Variants in MCPH1 observed in about 807,000 individuals in gnomAD.
MCPH1 encodes the protein microcephalin 1.
A neutral mutation model predicts 84.5 loss-of-function variants in MCPH1; 104 were observed. That is an observed-to-expected ratio of 1.23 (90% CI 1.05 to 1.45). The LOEUF (loss-of-function observed/expected upper bound fraction) is 1.45. MCPH1 is among the 40% of genes most tolerant of loss of function. MCPH1 has a pLI of 0.00. For missense variants in MCPH1, 1,498 were observed against 1,005.7 expected (o/e 1.49, Z -6.62); for synonymous variants, 514 against 366.8 (o/e 1.40, Z -4.58).
chr8:6,559,929 C>A (rs189098010), intron 12 of MCPH1, among the ~76,000 whole-genome samples: 1 of 152,158 alleles, frequency 6.6e-6, no homozygotes, highest in Non-Finnish European at 1.5e-5. Context: ...ATTCATATTC[C>A]TCTGAGTTCA....
chr8:6,549,942 C>T (rs993958571), intron 12 of MCPH1, among the ~76,000 whole-genome samples: 1 of 152,212 alleles, frequency 6.6e-6, no homozygotes, highest in African/African-American at 2.4e-5. Context: ...CGAGTCTGAG[C>T]TAGCTATAGC....
chr8:6,624,927 G>A, intron 13 of MCPH1: 1 of 889,870 alleles, frequency 1.1e-6, no homozygotes, highest in Non-Finnish European at 1.3e-6. Context: ...AGGCTGGAGT[G>A]TGCAGTGATG....
chr8:6,485,876 ACT>A (rs981180273), intron 11 of MCPH1, among the ~76,000 whole-genome samples: 1 of 151,922 alleles, frequency 6.6e-6, no homozygotes, highest in Non-Finnish European at 1.5e-5. Context: ...AACCACGATG[ACT>A]CTCGCTGGCA....
At chr8:6,536,369 C>T (rs1356830463) in intron 12 of MCPH1, among the ~76,000 whole-genome samples, 1 of 151,116 alleles carries the variant, frequency 6.6e-6, no homozygotes, top group Non-Finnish European at 1.5e-5. Context: ...AATGTTAGCT[C>T]AACCCAGAGG....
chr8:6,571,723 C>A (rs930279329), intron 12 of MCPH1, among the ~76,000 whole-genome samples: 2 of 152,032 alleles, frequency 1.3e-5, no homozygotes, highest in Non-Finnish European at 2.9e-5. Context: ...AAAAAAAGTC[C>A]ATGACCTCCT....
At chr8:6,514,191 T>G (rs1023566279) in intron 12 of MCPH1, among the ~76,000 whole-genome samples, 2 of 152,118 alleles carry the variant, frequency 1.3e-5, no homozygotes, top group Non-Finnish European at 2.9e-5. Context: ...ATAAGCTAAG[T>G]AGTGGCAGCC....
rs377522481 is a variant in MCPH1, at chr8:6,623,688, C to CAAAAAAA, written c.2452+2021_2452+2027dup. Among the ~76,000 whole-genome samples, 20 of 92,422 alleles carry CAAAAAAA rather than the reference C, an allele frequency of 2.2e-4. 1 individual carries two copies. The highest frequency in any genetic ancestry group is 4.6e-4 in the African/African-American group (10 of 21,790). 60.6% of individuals were successfully genotyped at this position (92,422 alleles called of 152,430 possible). ...CATCTTTTGCCTGGAAACCAACTTCCAAAAAAAAAAAAAAAAAAAAAAAAA... is the reference window on the plus strand; with the variant it reads ...CATCTTTTGCCTGGAAACCAACTTCCAAAAAAAAAAAAAAAAAAAAAAAAAAAAAAAA... On this transcript the variant is annotated intron_variant, in intron 13 of 13. Transcript: ENST00000344683.
intron 12 of MCPH1, among the ~76,000 whole-genome samples, chr8:6,516,785 T>C (rs2442626): frequency 0.061 from 9,214 of 152,268 alleles, 311 homozygotes; most frequent in African/African-American, 0.079. Flanking sequence ...GATTCTTCAG[T>C]GTCAAAATTA....
chr8:6,513,679 T>C (rs776928478), intron 12 of MCPH1: 3 of 1,607,530 alleles, frequency 1.9e-6, no homozygotes, highest in South Asian at 1.1e-5. Flanking sequence ...CTCACTTACC[T>C]ATAATTGAGT....
intron 12 of MCPH1, among the ~76,000 whole-genome samples, chr8:6,590,071 A>G (rs560587999): frequency 6.6e-6 from 1 of 152,304 alleles, no homozygotes. Flanking sequence ...CGTTCTTTAT[A>G]ATAGCAAAAA....
chr8:6,423,185 CTTTTCTTTTTTTTT>C (rs1007947810), intron 3 of MCPH1, among the ~76,000 whole-genome samples: 2 of 110,804 alleles, frequency 1.8e-5, no homozygotes, highest in South Asian at 2.9e-4. Flanking sequence ...TTTTTCTTTT[CTTTTCTTTTTTTTT>C]TTTTTTTTGA....
intron 12 of MCPH1, among the ~76,000 whole-genome samples, chr8:6,613,944 G>C (rs963453165): frequency 2.0e-5 from 3 of 152,086 alleles, no homozygotes; most frequent in African/African-American, 7.2e-5. Flanking sequence ...GGATTGAAGT[G>C]ATCACCAGAA....
chr8:6,436,588 T>G (rs1197687616), intron 5 of MCPH1, among the ~76,000 whole-genome samples: 1 of 151,926 alleles, frequency 6.6e-6, no homozygotes, highest in Non-Finnish European at 1.5e-5. Flanking sequence ...GAAAATACTT[T>G]AGAATATTAT....
At chr8:6,446,457 A>G in intron 8 of MCPH1, 3 of 985,302 alleles carry the variant, frequency 3.0e-6, no homozygotes, top group Non-Finnish European at 3.6e-6. Flanking sequence ...TTCCTTGAGT[A>G]TACGCTCCCC....
At chr8:6,476,486 A>C (rs755658333) in intron 9 of MCPH1, among the ~76,000 whole-genome samples, 10 of 152,152 alleles carry the variant, frequency 6.6e-5, no homozygotes, top group Non-Finnish European at 1.5e-4. Flanking sequence ...ACTTAAAAGC[A>C]GAAATATAAA....
At chr8:6,462,025 C>T (rs73661748) in intron 9 of MCPH1, among the ~76,000 whole-genome samples, 2,197 of 152,264 alleles carry the variant, frequency 0.014, 56 homozygotes, top group African/African-American at 0.051. Context: ...CATTTTGGAG[C>T]CATCTCTGCC....
intron 12 of MCPH1, among the ~76,000 whole-genome samples, chr8:6,587,584 T>C (rs1828099587): frequency 6.6e-6 from 1 of 152,206 alleles, no homozygotes; most frequent in South Asian, 2.1e-4. Context: ...TGGCATGGAT[T>C]TGTATGTAGC....
intron 8 of MCPH1, chr8:6,447,423 T>C: frequency 1.0e-6 from 1 of 985,392 alleles, no homozygotes; most frequent in East Asian, 1.1e-4. Flanking sequence ...CAGTTCACTT[T>C]TACTTGTTGC....
intron 9 of MCPH1, among the ~76,000 whole-genome samples, chr8:6,471,007 G>A (rs1268816747): frequency 6.6e-6 from 1 of 152,216 alleles, no homozygotes; most frequent in Non-Finnish European, 1.5e-5. Flanking sequence ...AATGGAGGCT[G>A]CTACAGTTTA....
Sources: gnomAD v4.1 joint callset for allele counts (sites outside exome capture counted in the v4.1 genomes callset) on GRCh38, gnomAD v4.1.1 for gene constraint, MANE v1.5 for transcripts, NCBI Gene and HGNC (gene_info 2026-07-23, HGNC 2026-07-21) for gene names.